EPB41L1: variants seen among roughly 807,000 people sequenced by gnomAD.
The protein encoded by EPB41L1 is erythrocyte membrane protein band 4.1 like 1.
In EPB41L1, 29 loss-of-function variants were observed where a neutral mutation model predicts 97.8. That is an observed-to-expected ratio of 0.30 (90% CI 0.22 to 0.40). EPB41L1 has a LOEUF of 0.40. Among genes scored for constraint, EPB41L1 ranks in the 10% least tolerant of loss-of-function variants. The pLI is 1.00. For synonymous variants in EPB41L1, 383 were observed against 459.2 expected, an observed-to-expected ratio of 0.83 and a Z score of 2.12; for missense variants, 812 against 1,162.3, an observed-to-expected ratio of 0.70 and a Z score of 4.38.
chr20:36,214,735 A>G (rs1260292406), intron 17 of EPB41L1, among the ~76,000 whole-genome samples: 1 of 151,972 alleles, frequency 6.6e-6, no homozygotes, highest in Non-Finnish European at 1.5e-5. Context: ...TTCTTTGGTT[A>G]TTGGCACCCA....
In EPB41L1 at chr20:36,190,520, G is replaced by T; in HGVS notation, c.1125-102G>T. ...CCTTCCTGGACCACTTTGAATTGTT[G>T]TAGTTGGTGGAGTAGTGGGATGAAA... On this transcript the variant is annotated intron_variant, in intron 10 of 21. Transcript: ENST00000338074. This position sits in a 1 kb window ranked among gnomAD's most constrained non-coding sequence, Gnocchi z 5.8. 2 of 1,560,004 alleles carry T rather than the reference G, an allele frequency of 1.3e-6. No homozygotes were observed. The highest frequency in any genetic ancestry group is 1.8e-6 in the Non-Finnish European group (2 of 1,137,810).
In EPB41L1 at chr20:36,158,439, G is replaced by A. The variant is rs117386036; in HGVS notation, c.-15+3543G>A. On this transcript the variant is annotated intron_variant, in intron 1 of 21. Coordinates refer to ENST00000338074, the MANE Select transcript of EPB41L1 (RefSeq NM_012156.2). The stretch of plus-strand genomic sequence containing the variant: ...TGAGCTGGGCACTGAAGGCCAAGTC[G>A]GATTTCGATGGTTGAAGGGGGAAGG... Among the ~76,000 whole-genome samples the A allele has an allele frequency of 2.3e-3, 346 of 152,250 alleles. 7 individuals are homozygous for A. The East Asian group carries it at 0.053, about 23-fold the overall frequency.
chr20:36,171,554 A>G (rs1232274999), intron 1 of EPB41L1, among the ~76,000 whole-genome samples: 1 of 152,140 alleles, frequency 6.6e-6, no homozygotes, highest in Non-Finnish European at 1.5e-5. Flanking sequence ...GCCTCCACGC[A>G]AAAAGCCTTT....
chr20:36,168,002 G>C (rs891953015), intron 1 of EPB41L1, among the ~76,000 whole-genome samples: 1 of 152,144 alleles, frequency 6.6e-6, no homozygotes, highest in Admixed American at 6.5e-5. Context: ...TGTATAAACC[G>C]GACACCAGTT....
chr20:36,218,985 G>A (rs768482282), intron 18 of EPB41L1, 23 bp downstream of exon 18: 2 of 1,611,174 alleles, frequency 1.2e-6, no homozygotes, highest in East Asian at 2.2e-5. Context: ...GGCCAGCTCA[G>A]GCTAGGGGAC....
chr20:36,127,066 C>A (rs1471117606), intron 2 of EPB41L1, among the ~76,000 whole-genome samples: 1 of 152,230 alleles, frequency 6.6e-6, no homozygotes, highest in Non-Finnish European at 1.5e-5. Flanking sequence ...AGGGCCCCCG[C>A]AGACTGGAGA....
chr20:36,140,352 T>C (rs2147821632), intron 2 of EPB41L1, among the ~76,000 whole-genome samples: 1 of 152,022 alleles, frequency 6.6e-6, no homozygotes, highest in East Asian at 1.9e-4. Context: ...ATTACAGGCA[T>C]GAGCCACCGC....
chr20:36,144,351 A>T (rs1228676324), intron 2 of EPB41L1, among the ~76,000 whole-genome samples: 1 of 152,062 alleles, frequency 6.6e-6, no homozygotes, highest in Non-Finnish European at 1.5e-5. Flanking sequence ...CTAGCTACCT[A>T]CAGTAGGCAG....
chr20:36,207,348 G>A lies in EPB41L1; in HGVS notation c.1669-2140G>A. ...AAGAAGCTGAGGGGCGCATACCTCT[G>A]GGGTTTGGGTTCCCTTCAGGGAAGC... On this transcript the variant is annotated intron_variant, in intron 14 of 21. Transcript: ENST00000338074. The surrounding 1 kb of genome is among the most constrained non-coding windows in gnomAD (Gnocchi z 4.9). 1 of 1,288,562 alleles carries A rather than the reference G, an allele frequency of 7.8e-7. No homozygotes were observed. The highest frequency in any genetic ancestry group is 1.0e-6 in the Non-Finnish European group (1 of 988,024). The allele number at this position is 1,288,562 out of a possible 1,614,324, so 79.8% of individuals were successfully genotyped here.
At position 36,214,358 on chromosome 20, in the gene EPB41L1, A is replaced by G; in HGVS notation, c.2186A>G (p.Gln729Arg). Residue 729 changes from glutamine to arginine, a missense_variant and splice_region_variant, in exon 17 of 22, where the codon CAG (glutamine) becomes CGG (arginine). Gln to Arg is a conservative substitution (Grantham distance 43). Coordinates refer to ENST00000338074, the MANE Select transcript of EPB41L1 (RefSeq NM_012156.2). ...TCTAACGACTCCTCCTCTGGTCAGC[A>G]GGTTGATGGGAGTGCCTCAGTGGGG... The part of the protein sequence containing the change: ...TRVSAMDNTQ[Q>R]VDGSASVGRE... 1 of 1,613,732 alleles carries G rather than the reference A, an allele frequency of 6.2e-7. No individual in the cohort carries two copies. The highest frequency in any genetic ancestry group is 1.1e-5 in the South Asian group (1 of 91,028).
At chr20:36,128,494 A>G (rs1341980835) in intron 2 of EPB41L1, among the ~76,000 whole-genome samples, 2 of 152,174 alleles carry the variant, frequency 1.3e-5, no homozygotes, top group Non-Finnish European at 2.9e-5. Flanking sequence ...AGGGACCTCA[A>G]ATGAGGATTT....
At chr20:36,136,876 T>C (rs2059437396) in intron 2 of EPB41L1, among the ~76,000 whole-genome samples, 1 of 151,756 alleles carries the variant, frequency 6.6e-6, no homozygotes, top group Non-Finnish European at 1.5e-5. Context: ...GAGCCTGAAT[T>C]TTTTAATTTT....
chr20:36,187,256 G>T (rs540526199), intron 7 of EPB41L1, among the ~76,000 whole-genome samples: 2 of 152,334 alleles, frequency 1.3e-5, no homozygotes, highest in South Asian at 2.1e-4. Context: ...AGATTAAGTG[G>T]CTTCTGATAC....
rs556319400 is a variant in EPB41L1, at chr20:36,219,682, T to C, written c.2356-79T>C. 5.4e-3 allele frequency: 6,751 copies of C among 1,240,410 alleles called. 29 individuals carry two copies. Among genetic ancestry groups the C allele is most frequent in the Non-Finnish European group, 7.1e-3 (5,948 of 839,680 alleles). 76.8% of individuals were successfully genotyped at this position (1,240,410 alleles called of 1,614,324 possible). A position where few individuals can be genotyped will look rare whatever the true frequency, so the allele number is the denominator to read the frequency against. ...GAAACGTCACCTTCACAGAGCCCTT[T>C]ACCCCACCCCGCCCTCACCCCTCCA... On this transcript the variant is annotated intron_variant, in intron 18 of 21. Coordinates refer to ENST00000338074, the MANE Select transcript of EPB41L1 (RefSeq NM_012156.2).
chr20:36,178,471 A>C (rs1172892308), intron 4 of EPB41L1, among the ~76,000 whole-genome samples, 159 bp from the exon 5 acceptor site: 2 of 151,450 alleles, frequency 1.3e-5, no homozygotes, highest in African/African-American at 4.9e-5. Context: ...CATTCCCCTC[A>C]CCCCCTAGTC....
rs147176210 is a variant in EPB41L1 at position 36,138,508 on chromosome 20, C to T, written c.-10+26028C>T. ...GACTCCCAGCCTCAGGTGATCTGCC[C>T]GCCTCAGCCTCCCAAAGTGCTGGGA... On this transcript the variant is annotated intron_variant, in intron 2 of 19. Coordinates refer to the EPB41L1 transcript ENST00000202028. Among the ~76,000 whole-genome samples the T allele has an allele frequency of 7.3e-3, 1,109 of 152,184 alleles. 13 individuals carry two copies. The highest frequency in any genetic ancestry group is 0.025 in the African/African-American group (1,051 of 41,498).
chr20:36,203,925 C>T (rs937824741), intron 14 of EPB41L1, among the ~76,000 whole-genome samples: 1 of 140,516 alleles, frequency 7.1e-6, no homozygotes, highest in South Asian at 2.1e-4. Context: ...CTGACAGACT[C>T]CTCCTCCCTG....
At chr20:36,103,351 T>TA (rs1484074414) in intron 1 of EPB41L1, among the ~76,000 whole-genome samples, 1 of 152,188 alleles carries the variant, frequency 6.6e-6, no homozygotes, top group Non-Finnish European at 1.5e-5. Context: ...CTGGCCTCTT[T>TA]ACAGCCCCTA....
chr20:36,145,217 C>T (rs1444795202), intron 2 of EPB41L1, among the ~76,000 whole-genome samples: 2 of 151,830 alleles, frequency 1.3e-5, no homozygotes, highest in African/African-American at 2.4e-5. Flanking sequence ...ATGAAACCCC[C>T]GTCTCTACTA....
Sources: allele counts gnomAD v4.1 joint callset (sites outside exome capture counted in the v4.1 genomes callset), GRCh38; gene constraint gnomAD v4.1.1; non-coding constraint Gnocchi (gnomAD v3.1); transcripts MANE v1.5; gene names NCBI Gene and HGNC (gene_info 2026-07-23, HGNC 2026-07-21).